The following NXPE3 variants were observed in gnomAD, a reference collection of about 807,000 sequenced individuals.
NXPE3 encodes the protein NXPE family member 3.
Under a neutral mutation model 46.1 loss-of-function variants are expected in NXPE3, and 26 were observed. That is an observed-to-expected ratio of 0.56 (90% CI 0.41 to 0.78). The LOEUF (loss-of-function observed/expected upper bound fraction) is 0.78. Ranked by LOEUF, NXPE3 falls within the 30% of genes least tolerant of loss-of-function variation. The pLI is 0.00. For missense variants in NXPE3, 620 were observed against 686.0 expected (o/e 0.90, Z 1.07); for synonymous variants, 272 against 257.9 (o/e 1.05, Z -0.52).
chr3:101,810,000 A>G (rs1941638416), intron 6 of NXPE3, among the ~76,000 whole-genome samples: 1 of 152,220 alleles, frequency 6.6e-6, no homozygotes, highest in Non-Finnish European at 1.5e-5. Flanking sequence ...GTATTAGCTA[A>G]TTAATATTCT....
At chr3:101,800,168 G>T (rs1941059843) in intron 4 of NXPE3, among the ~76,000 whole-genome samples, 1 of 152,004 alleles carries the variant, frequency 6.6e-6, no homozygotes, top group Non-Finnish European at 1.5e-5. Context: ...ATTTTAGGTT[G>T]TTTTTCTTTC....
At chr3:101,804,092 A>G (rs1401940016) in intron 5 of NXPE3, among the ~76,000 whole-genome samples, 2 of 152,188 alleles carry the variant, frequency 1.3e-5, no homozygotes, top group Non-Finnish European at 2.9e-5. Context: ...GAACATTCCA[A>G]TTCCACTGTC....
intron 3 of NXPE3, among the ~76,000 whole-genome samples, chr3:101,783,310 C>G (rs946227632): frequency 6.6e-6 from 1 of 151,636 alleles, no homozygotes; most frequent in African/African-American, 2.4e-5. Flanking sequence ...ATCCGCCTGC[C>G]TCGGCCTCCC....
In NXPE3 at chr3:101,827,080, ATATT is replaced by A. The variant is rs1433408361; in HGVS notation, c.*5130_*5133del. 1.4e-4 allele frequency: 21 copies of A among 152,318 alleles called. No homozygotes were observed. The highest frequency in any genetic ancestry group is 5.1e-4 in the African/African-American group (21 of 41,574). 9.4% of individuals were successfully genotyped at this position (152,318 alleles called of 1,614,324 possible). On this transcript the variant is annotated 3_prime_UTR_variant, in exon 8 of 8. Transcript: ENST00000273347. ...AAAATAAAAAAGTGTGAACTTAAAT[ATATT>A]TATATGTGTGTACATATATTTTCTT...
intron 6 of NXPE3, among the ~76,000 whole-genome samples, chr3:101,810,586 C>G (rs966931848): frequency 2.6e-5 from 4 of 152,020 alleles, no homozygotes; most frequent in Non-Finnish European, 5.9e-5. Flanking sequence ...TCAGATAAGC[C>G]CTTAACAGGG....
chr3:101,805,891 TATATA>T (rs1333903414), intron 5 of NXPE3, among the ~76,000 whole-genome samples: 1 of 152,070 alleles, frequency 6.6e-6, no homozygotes, highest in African/African-American at 2.4e-5. Flanking sequence ...CAATAATAAT[TATATA>T]ATTATTATAA....
intron 3 of NXPE3, among the ~76,000 whole-genome samples, chr3:101,783,283 G>T (rs931994389): frequency 6.6e-6 from 1 of 151,858 alleles, no homozygotes; most frequent in Non-Finnish European, 1.5e-5. Context: ...GGATGGTCCC[G>T]ATCTCCTGAC....
intron 1 of NXPE3, among the ~76,000 whole-genome samples, chr3:101,780,169 A>G (rs567243873): frequency 2.4e-4 from 36 of 152,240 alleles, no homozygotes; most frequent in Admixed American, 4.6e-4. Flanking sequence ...TATCATTTGG[A>G]ACATCAGGAT....
In NXPE3 at chr3:101,796,600, C is replaced by T. The variant is rs538598523; in HGVS notation, c.94-4635C>T. On this transcript the variant is annotated intron_variant, in intron 4 of 7. Transcript: ENST00000273347. The stretch of plus-strand genomic sequence containing the variant: ...ACAACAACTAAAAAGGAGAGGGTGG[C>T]TGGAACATTTCCTGAAAGGTAATCA... Among the ~76,000 whole-genome samples, 12 of 152,276 alleles carry T rather than the reference C, an allele frequency of 7.9e-5. No individual in the cohort carries two copies. In the South Asian group the frequency reaches 1.7e-3, roughly 21 times the overall value.
intron 6 of NXPE3, 144 bp downstream of exon 6, chr3:101,807,270 A>C (rs1189350668): frequency 6.4e-6 from 4 of 625,672 alleles, no homozygotes; most frequent in Admixed American, 3.0e-5. Context: ...TGTTTGATTA[A>C]AAAAATCAGA....
In NXPE3 at chr3:101,821,458, T is replaced by C. The variant is rs1942243844; in HGVS notation, c.1184T>C (p.Val395Ala). ...SPKNVGPFLAVDQKHNILLKY... is the reference protein window; with the variant it reads ...SPKNVGPFLAADQKHNILLKY... ...AAGAATGTGGGTCCCTTCCTTGCAG[T>C]GGACCAGAAGCACAACATCCTGCTC... is the stretch of plus-strand genomic sequence containing the variant. Residue 395 changes from valine (V) to alanine (A), a missense_variant, in exon 8 of 8, where the codon GTG (valine) becomes GCG (alanine). Physicochemically the swap from Val to Ala is moderately conservative, Grantham distance 64. Coordinates refer to ENST00000273347, the MANE Select transcript of NXPE3 (RefSeq NM_145037.4). 6.2e-7 allele frequency: 1 copy of C among 1,614,064 alleles called. No homozygotes were observed. Among genetic ancestry groups the C allele is most frequent in the African/African-American group, 1.3e-5 (1 of 74,918 alleles).
chr3:101,820,503 C>T (rs577875966), intron 7 of NXPE3, among the ~76,000 whole-genome samples: 43 of 152,236 alleles, frequency 2.8e-4, no homozygotes, highest in South Asian at 1.9e-3. Context: ...AACTACCATT[C>T]GACCCAGCAA....
intron 4 of NXPE3, among the ~76,000 whole-genome samples, chr3:101,788,805 G>A (rs1409133564): frequency 6.6e-6 from 1 of 152,018 alleles, no homozygotes; most frequent in Non-Finnish European, 1.5e-5. Context: ...TAGTAGAGAT[G>A]GGGTTTTGCC....
intron 6 of NXPE3, among the ~76,000 whole-genome samples, chr3:101,814,465 AT>A (rs1941874708): frequency 1.3e-5 from 2 of 152,232 alleles, no homozygotes; most frequent in Non-Finnish European, 2.9e-5. Context: ...CCTGCAAAGA[AT>A]TAGCAGATGC....
At chr3:101,794,254 C>T (rs1940691825) in intron 4 of NXPE3, among the ~76,000 whole-genome samples, 1 of 151,918 alleles carries the variant, frequency 6.6e-6, no homozygotes. Flanking sequence ...AGGATGAGAT[C>T]TAGAGCACAG....
At chr3:101,820,477 A>G (rs1942195756) in intron 7 of NXPE3, among the ~76,000 whole-genome samples, 1 of 152,208 alleles carries the variant, frequency 6.6e-6, no homozygotes, top group Admixed American at 6.5e-5. Flanking sequence ...GTGATTCCTC[A>G]AAGAGCTAAA....
At chr3:101,817,169 T>C (rs1942012780) in intron 7 of NXPE3, among the ~76,000 whole-genome samples, 168 bp downstream of exon 7, 1 of 152,234 alleles carries the variant, frequency 6.6e-6, no homozygotes, top group Admixed American at 6.5e-5. Flanking sequence ...TTCTGATCAA[T>C]AGCTGTGTTG....
intron 4 of NXPE3, among the ~76,000 whole-genome samples, chr3:101,794,696 G>C (rs752300660): frequency 6.6e-6 from 1 of 152,128 alleles, no homozygotes; most frequent in Non-Finnish European, 1.5e-5. Flanking sequence ...TGTAGTTCTT[G>C]GGTAGAGAAG....
At chr3:101,810,132 T>C (rs995374869) in intron 6 of NXPE3, among the ~76,000 whole-genome samples, 1 of 152,216 alleles carries the variant, frequency 6.6e-6, no homozygotes, top group African/African-American at 2.4e-5. Flanking sequence ...TCTAGCTGAC[T>C]ACCTTTTTAA....
Sources: allele counts gnomAD v4.1 joint callset (sites outside exome capture counted in the v4.1 genomes callset), GRCh38; gene constraint gnomAD v4.1.1; transcripts MANE v1.5; gene names NCBI Gene and HGNC (gene_info 2026-07-23, HGNC 2026-07-21).